Variants in CARS1 observed in about 807,000 individuals in gnomAD.
CARS1 encodes cysteine--tRNA ligase, cytoplasmic.
CARS1 carries 48 observed loss-of-function variants against 106.2 expected under a neutral mutation model. The observed-to-expected ratio is 0.45, with a 90% CI of 0.36 to 0.57. The LOEUF (loss-of-function observed/expected upper bound fraction) is 0.57. Ranked by LOEUF, CARS1 falls within the 20% of genes least tolerant of loss-of-function variation. The pLI is 0.00. For missense variants in CARS1, 968 were observed against 1,057.2 expected (o/e 0.92, Z 1.17); for synonymous variants, 409 against 403.4 (o/e 1.01, Z -0.17).
chr11:3,014,492 G>A (rs1218893551), intron 17 of CARS1, among the ~76,000 whole-genome samples: 2 of 152,234 alleles, frequency 1.3e-5, no homozygotes, highest in Non-Finnish European at 2.9e-5. Context: ...TCCACAGCAC[G>A]CTGAAGGCAC....
In CARS1 at chr11:3,043,667, A is replaced by G. The variant is rs1854771715; in HGVS notation, c.275-1411T>C. Among the ~76,000 whole-genome samples the G allele has an allele frequency of 1.3e-5, 2 of 152,054 alleles. No homozygotes were observed. Among genetic ancestry groups the G allele is most frequent in the African/African-American group, 4.8e-5 (2 of 41,380 alleles). ...CAGAGGGTCTGGCAGCATGGCCAGC[A>G]AATTGCCACACACTGATCACGGGGA... On this transcript the variant is annotated intron_variant, in intron 2 of 22. Transcript: ENST00000380525. The surrounding 1 kb of genome is among the most constrained non-coding windows in gnomAD (Gnocchi z 4.0).
chr11:3,008,657 G>A lies in CARS1; in HGVS notation c.2069-1698C>T, dbSNP rs1850142087. On this transcript the variant is annotated intron_variant, in intron 18 of 22. Coordinates refer to ENST00000380525, the MANE Select transcript of CARS1 (RefSeq NM_001014437.3). The surrounding 1 kb of genome is among the most constrained non-coding windows in gnomAD (Gnocchi z 5.1). ...AAAATTGCATATCCTTGGGCTTCAAGGCCGCGCTCATAAGCACAGCCACTT... is the reference window on the plus strand; with the variant it reads ...AAAATTGCATATCCTTGGGCTTCAAAGCCGCGCTCATAAGCACAGCCACTT... 6.6e-6 allele frequency: 1 copy of A among 151,842 alleles called. No individual in the cohort carries two copies. Among genetic ancestry groups the A allele is most frequent in the Admixed American group, 6.6e-5 (1 of 15,242 alleles). 9.4% of individuals were successfully genotyped at this position (151,842 alleles called of 1,614,324 possible). A position where few individuals can be genotyped will look rare whatever the true frequency, so the allele number is the denominator to read the frequency against.
rs960043642 is a variant in CARS1 at position 3,040,065 on chromosome 11, C to T, written c.456-134G>A. ...CCATCCCTGAAACAGCAAGACCCCC[C>T]CTTCTCCTCCTCAGTCTACTCAACG... On this transcript the variant is annotated intron_variant, in intron 4 of 22. Transcript: ENST00000380525. The surrounding 1 kb of genome is among the most constrained non-coding windows in gnomAD (Gnocchi z 5.8). 7.1e-6 allele frequency: 4 copies of T among 561,090 alleles called. No homozygotes were observed. The highest frequency in any genetic ancestry group is 1.2e-5 in the Non-Finnish European group (4 of 321,338). The allele number at this position is 561,090 out of a possible 1,614,324, so 34.8% of individuals were successfully genotyped here.
rs77281838 is a variant in CARS1, at chr11:3,040,524, G to A, written c.455+372C>T. 3,048 of 483,822 alleles carry A rather than the reference G, an allele frequency of 6.3e-3. 85 individuals are homozygous for A. The highest frequency in any genetic ancestry group is 0.054 in the African/African-American group (2,776 of 51,234). 30.0% of individuals were successfully genotyped at this position (483,822 alleles called of 1,614,324 possible). On this transcript the variant is annotated intron_variant, in intron 4 of 22. Coordinates refer to ENST00000380525, the MANE Select transcript of CARS1 (RefSeq NM_001014437.3). This position sits in a 1 kb window ranked among gnomAD's most constrained non-coding sequence, Gnocchi z 5.8. ...GGGGGGCGGTCACAGCCAACCCAGC[G>A]TCAGGCCTGTCAGGTCTGAGTGTCA...
At position 3,040,472 on chromosome 11, in the gene CARS1, A is replaced by G; in HGVS notation, c.455+424T>C. The G allele has an allele frequency of 2.2e-6, 1 of 464,472 alleles. No individual in the cohort carries two copies. The allele number at this position is 464,472 out of a possible 1,614,324, so 28.8% of individuals were successfully genotyped here. ...CCCCAACAGCCAGCTACTCGTCAGG[A>G]GCTACAGCCATGACCATCCAGTGGT... On this transcript the variant is annotated intron_variant, in intron 4 of 22. Coordinates refer to ENST00000380525, the MANE Select transcript of CARS1 (RefSeq NM_001014437.3). This position sits in a 1 kb window ranked among gnomAD's most constrained non-coding sequence, Gnocchi z 5.8.
intron 14 of CARS1, 165 bp downstream of exon 14, chr11:3,018,243 G>T: frequency 3.2e-6 from 2 of 620,040 alleles, no homozygotes; most frequent in Non-Finnish European, 5.7e-6. Flanking sequence ...CATTTCAGGA[G>T]TGGCCCCGAG....
chr11:3,001,263 C>T lies in CARS1; in HGVS notation c.2362-15G>A, dbSNP rs772783630. On this transcript the variant is annotated splice_polypyrimidine_tract_variant and intron_variant, in intron 22 of 22. Transcript: ENST00000380525. ...GTGGGCAGACCCTGAAAACCCAGAG[C>T]ACAGCGGCTATTGGTCTCCTCTGCA... The T allele has an allele frequency of 2.5e-6, 4 of 1,612,434 alleles. No individual in the cohort carries two copies. Among genetic ancestry groups the T allele is most frequent in the Non-Finnish European group, 2.5e-6 (3 of 1,179,964 alleles).
At chr11:3,055,259 C>G (rs1856085068) in intron 1 of CARS1, among the ~76,000 whole-genome samples, 1 of 152,170 alleles carries the variant, frequency 6.6e-6, no homozygotes, top group South Asian at 2.1e-4. Flanking sequence ...CTCCTGGGTT[C>G]ACATCATTCT....
chr11:3,002,218 C>A, intron 21 of CARS1, 165 bp from the exon 22 acceptor site: 1 of 676,898 alleles, frequency 1.5e-6, no homozygotes. Context: ...AGGGAACATA[C>A]AAGGAATTTA....
At chr11:3,055,163 G>A in intron 1 of CARS1, 1 of 577,842 alleles carries the variant, frequency 1.7e-6, no homozygotes, top group Non-Finnish European at 3.1e-6. Context: ...ATTTACGATT[G>A]GATTTTTTTT....
In CARS1 at chr11:3,041,888, C is replaced by T. The variant is rs1041608775; in HGVS notation, c.366+277G>A. ...CAAGTACTCATGGTTGGGCAGAGTC[C>T]GAGAGACAAGCCAGGGTGATCCATG... On this transcript the variant is annotated intron_variant, in intron 3 of 22. Coordinates refer to ENST00000380525, the MANE Select transcript of CARS1 (RefSeq NM_001014437.3). This position sits in a 1 kb window ranked among gnomAD's most constrained non-coding sequence, Gnocchi z 4.9. Among the ~76,000 whole-genome samples the T allele has an allele frequency of 1.2e-4, 19 of 152,090 alleles. No homozygotes were observed. The highest frequency in any genetic ancestry group is 3.3e-4 in the Admixed American group (5 of 15,266).
In CARS1 at chr11:3,050,020, C is replaced by A. The variant is rs953361700; in HGVS notation, c.26-2019G>T. 2.0e-5 allele frequency among the ~76,000 whole-genome samples: 3 copies of A among 152,000 alleles called. No homozygotes were observed. The highest frequency in any genetic ancestry group is 7.3e-5 in the African/African-American group (3 of 41,352). ...AGAATGGAGTGCACAGCTGCAGCAG[C>A]AAGAATGCCCCACTGGGCCGAGCTC... On this transcript the variant is annotated intron_variant, in intron 1 of 22. Transcript: ENST00000380525. This position sits in a 1 kb window ranked among gnomAD's most constrained non-coding sequence, Gnocchi z 6.3.
In CARS1 at chr11:3,038,019, C is replaced by A. The variant is rs766901675; in HGVS notation, c.801+31G>T. 1 of 1,596,952 alleles carries A rather than the reference C, an allele frequency of 6.3e-7. No homozygotes were observed. Among genetic ancestry groups the A allele is most frequent in the Non-Finnish European group, 8.6e-7 (1 of 1,167,748 alleles). On this transcript the variant is annotated intron_variant, in intron 7 of 22. Coordinates refer to ENST00000380525, the MANE Select transcript of CARS1 (RefSeq NM_001014437.3). This position sits in a 1 kb window ranked among gnomAD's most constrained non-coding sequence, Gnocchi z 4.0. ...TGCACGGCCCGACATTTGACCCGAA[C>A]GGGCTGTCTGGGAGATGTGTGAAGC...
At chr11:3,007,113 A>C in intron 18 of CARS1, 154 bp from the exon 19 acceptor site, 1 of 646,394 alleles carries the variant, frequency 1.5e-6, no homozygotes, top group Non-Finnish European at 2.7e-6. Flanking sequence ...CCACAGAACG[A>C]GTACCTCCTC....
At chr11:3,001,346 T>C (rs1039907493) in intron 22 of CARS1, 98 bp from the exon 23 acceptor site, 2 of 1,402,142 alleles carry the variant, frequency 1.4e-6, no homozygotes, top group Non-Finnish European at 2.0e-6. Context: ...TCTATCTCCC[T>C]GATGCAGCCA....
Position 3,020,071 on chromosome 11 carries a change from G to GGCCAGGCAGCCTGTGCTGCACCAGC in CARS1, c.1266+124_1266+148dup, listed in dbSNP as rs1308128436. On this transcript the variant is annotated intron_variant, in intron 11 of 22. Coordinates refer to ENST00000380525, the MANE Select transcript of CARS1 (RefSeq NM_001014437.3). The surrounding 1 kb of genome is among the most constrained non-coding windows in gnomAD (Gnocchi z 4.6). ...GTCTCCATGATGTCCAGGTCCCCGG[G>GGCCAGGCAGCCTGTGCTGCACCAGC]GCCAGGCAGCCTGTGCTGCACCAGC... 33 of 631,738 alleles carry GGCCAGGCAGCCTGTGCTGCACCAGC rather than the reference G, an allele frequency of 5.2e-5. No homozygotes were observed. The highest frequency in any genetic ancestry group is 5.1e-4 in the African/African-American group (28 of 54,550). The allele number at this position is 631,738 out of a possible 1,614,324, so 39.1% of individuals were successfully genotyped here.
At position 3,040,807 on chromosome 11, in the gene CARS1, TG is replaced by T; in HGVS notation, c.455+88del. ...CTCTGTAGCAGATCTAAGATCTTTG[TG>T]GACCTAAGATCGCTGCTGTGGATCC... On this transcript the variant is annotated intron_variant, in intron 4 of 22. Transcript: ENST00000380525. This position sits in a 1 kb window ranked among gnomAD's most constrained non-coding sequence, Gnocchi z 5.8. The T allele has an allele frequency of 7.6e-7, 1 of 1,312,604 alleles. No homozygotes were observed. Among genetic ancestry groups the T allele is most frequent in the Non-Finnish European group, 1.1e-6 (1 of 932,910 alleles). 81.3% of individuals were successfully genotyped at this position (1,312,604 alleles called of 1,614,324 possible).
chr11:3,041,173 C>T lies in CARS1; in HGVS notation c.367-189G>A. 1.3e-6 allele frequency: 1 copy of T among 770,610 alleles called. No individual in the cohort carries two copies. Among genetic ancestry groups the T allele is most frequent in the South Asian group, 1.9e-5 (1 of 52,922 alleles). The allele number at this position is 770,610 out of a possible 1,614,324, so 47.7% of individuals were successfully genotyped here. A position where few individuals can be genotyped will look rare whatever the true frequency, so the allele number is the denominator to read the frequency against. ...CCAGTGAGATGTACGGCACCTCCCACCAACTGAGCCCTGGGTGGGTGGGGC... is the reference window on the plus strand; with the variant it reads ...CCAGTGAGATGTACGGCACCTCCCATCAACTGAGCCCTGGGTGGGTGGGGC... On this transcript the variant is annotated intron_variant, in intron 3 of 22. Coordinates refer to ENST00000380525, the MANE Select transcript of CARS1 (RefSeq NM_001014437.3). This position sits in a 1 kb window ranked among gnomAD's most constrained non-coding sequence, Gnocchi z 4.9.
At chr11:3,006,771 G>T in intron 19 of CARS1, 108 bp downstream of exon 19, 1 of 910,924 alleles carries the variant, frequency 1.1e-6, no homozygotes, top group South Asian at 1.4e-5. Flanking sequence ...TTGGGATTCT[G>T]CATCAGCAAT....
Sources: gnomAD v4.1 joint callset for allele counts (sites outside exome capture counted in the v4.1 genomes callset) on GRCh38, gnomAD v4.1.1 for gene constraint, Gnocchi (gnomAD v3.1) non-coding constraint, MANE v1.5 for transcripts, NCBI Gene and HGNC (gene_info 2026-07-23, HGNC 2026-07-21) for gene names.